Variants in RCAN1 observed in about 807,000 individuals in gnomAD.
RCAN1 encodes the protein regulator of calcineurin 1, also known as calcipressin-1.
RCAN1 carries 11 observed loss-of-function variants against 22.9 expected under a neutral mutation model. The observed-to-expected ratio is 0.48, with a 90% CI of 0.30 to 0.79. The LOEUF (loss-of-function observed/expected upper bound fraction) is 0.79, where lower values mean the gene tolerates loss of function less well. Among genes scored for constraint, RCAN1 ranks in the 30% least tolerant of loss-of-function variants. The probability of loss-of-function intolerance (pLI) is 0.06; values close to 1 mark genes in which losing one functional copy is unlikely to be tolerated. For synonymous variants in RCAN1, 136 were observed against 142.3 expected, an observed-to-expected ratio of 0.96 and a Z score of 0.32; for missense variants, 291 against 337.8, an observed-to-expected ratio of 0.86 and a Z score of 1.09.
rs1034838098 is a variant in RCAN1, at chr21:34,517,292, T to G, written c.*792A>C. 23 of 152,370 alleles carry G rather than the reference T, an allele frequency of 1.5e-4. No homozygotes were observed. The highest frequency in any genetic ancestry group is 1.4e-3 in the Admixed American group (21 of 15,314). 9.4% of individuals were successfully genotyped at this position (152,370 alleles called of 1,614,324 possible). On this transcript the variant is annotated 3_prime_UTR_variant, in exon 4 of 4. Coordinates refer to ENST00000313806, the MANE Select transcript of RCAN1 (RefSeq NM_004414.7). ...ACCCACTAAAAGTTGGCAGTGAAAC[T>G]GCTATTCTCTGAATTGTATAAGCTA...
At chr21:34,553,760 G>A (rs1189381290) in intron 1 of RCAN1, among the ~76,000 whole-genome samples, 3 of 152,122 alleles carry the variant, frequency 2.0e-5, no homozygotes, top group Admixed American at 1.3e-4. Flanking sequence ...TGATCAAAAC[G>A]CACTGAGTTC....
At chr21:34,609,517 T>C (rs1245579278) in intron 1 of RCAN1, among the ~76,000 whole-genome samples, 1 of 152,148 alleles carries the variant, frequency 6.6e-6, no homozygotes, top group Non-Finnish European at 1.5e-5. Flanking sequence ...AATGAGTGGA[T>C]CACATTTTTT....
chr21:34,526,307 T>C (rs966546440), intron 1 of RCAN1, among the ~76,000 whole-genome samples: 5 of 152,246 alleles, frequency 3.3e-5, no homozygotes, highest in Admixed American at 6.5e-5. Context: ...AATGAAATTA[T>C]TCACAACGCT....
At chr21:34,557,824 A>T (rs1986637485) in intron 1 of RCAN1, among the ~76,000 whole-genome samples, 1 of 152,194 alleles carries the variant, frequency 6.6e-6, no homozygotes, top group African/African-American at 2.4e-5. Context: ...ACTGCCAGTC[A>T]CCTATCAGGT....
chr21:34,592,679 C>T (rs950355478), intron 1 of RCAN1, among the ~76,000 whole-genome samples: 1 of 152,092 alleles, frequency 6.6e-6, no homozygotes, highest in Non-Finnish European at 1.5e-5. Flanking sequence ...TGATGATTTA[C>T]GTTCCCCTCA....
intron 1 of RCAN1, chr21:34,526,827 G>T (rs2123593102): frequency 6.5e-7 from 1 of 1,533,624 alleles, no homozygotes. Context: ...GAGGCTGTAG[G>T]TTCCTTCTTG....
intron 1 of RCAN1, among the ~76,000 whole-genome samples, chr21:34,553,099 G>GA: frequency 6.6e-6 from 1 of 152,280 alleles, no homozygotes; most frequent in East Asian, 1.9e-4. Flanking sequence ...AGGGGTATGA[G>GA]AAAAAGTATT....
chr21:34,568,498 G>A (rs977734994), intron 1 of RCAN1, among the ~76,000 whole-genome samples: 3 of 152,228 alleles, frequency 2.0e-5, no homozygotes, highest in Non-Finnish European at 2.9e-5. Flanking sequence ...AGATGGCAGC[G>A]ATGCCCGGAG....
At chr21:34,605,575 T>C (rs1339944291) in intron 1 of RCAN1, among the ~76,000 whole-genome samples, 1 of 152,146 alleles carries the variant, frequency 6.6e-6, no homozygotes, top group Non-Finnish European at 1.5e-5. Context: ...AGGATTGAAA[T>C]GAGATGTGAA....
chr21:34,520,962 G>A (rs1423947246), intron 3 of RCAN1: 3 of 550,356 alleles, frequency 5.5e-6, no homozygotes, highest in African/African-American at 2.0e-5. Context: ...AGCAAGCTCT[G>A]TAGGGGACCA....
At chr21:34,584,243 C>G (rs1987715260) in intron 1 of RCAN1, among the ~76,000 whole-genome samples, 1 of 152,106 alleles carries the variant, frequency 6.6e-6, no homozygotes, top group Non-Finnish European at 1.5e-5. Flanking sequence ...ATTAAGAATC[C>G]AAAGGGAAAT....
intron 1 of RCAN1, among the ~76,000 whole-genome samples, chr21:34,582,847 A>G (rs556363402): frequency 8.8e-4 from 134 of 152,204 alleles, no homozygotes; most frequent in African/African-American, 3.1e-3. Context: ...GGGGTGAGAG[A>G]GGGAGGGTAA....
At chr21:34,538,761 G>T (rs1985790416) in intron 1 of RCAN1, among the ~76,000 whole-genome samples, 1 of 152,312 alleles carries the variant, frequency 6.6e-6, no homozygotes, top group African/African-American at 2.4e-5. Context: ...TGAGAAGGGG[G>T]TGGAACTTGG....
At chr21:34,528,041 G>A (rs1011479356) in intron 1 of RCAN1, among the ~76,000 whole-genome samples, 7 of 152,146 alleles carry the variant, frequency 4.6e-5, no homozygotes, top group African/African-American at 1.7e-4. Context: ...CCCTATGGCA[G>A]CCTGGGTCCT....
At position 34,534,507 on chromosome 21, in the gene RCAN1, C is replaced by T. The variant is rs529251105; in HGVS notation, c.253-10797G>A. On this transcript the variant is annotated intron_variant, in intron 1 of 3. Coordinates refer to ENST00000313806, the MANE Select transcript of RCAN1 (RefSeq NM_004414.7). The stretch of plus-strand genomic sequence containing the variant: ...CAAAAGCTTCATGAGGACAATGCAG[C>T]TTATTCTGCAGCTCCCCAGAGATGT... Among the ~76,000 whole-genome samples, 7 of 152,244 alleles carry T rather than the reference C, an allele frequency of 4.6e-5. No individual in the cohort carries two copies. The South Asian group carries it at 1.4e-3, about 32-fold the overall frequency.
rs191107582 is a variant in RCAN1, at chr21:34,586,718, C to T, written c.252+28042G>A. On this transcript the variant is annotated intron_variant, in intron 1 of 3. Coordinates refer to ENST00000313806, the MANE Select transcript of RCAN1 (RefSeq NM_004414.7). ...CTGTAACCCCAGCACTTTGGGAGGC[C>T]GAGATGGGTGGATCACTTAAGATCA... Among the ~76,000 whole-genome samples the T allele has an allele frequency of 1.5e-3, 235 of 152,154 alleles. 6 individuals carry two copies. Among genetic ancestry groups the T allele is most frequent in the South Asian group, 8.3e-4 (4 of 4,824 alleles).
chr21:34,593,130 C>T (rs1988027593), intron 1 of RCAN1, among the ~76,000 whole-genome samples: 1 of 152,206 alleles, frequency 6.6e-6, no homozygotes, highest in South Asian at 2.1e-4. Flanking sequence ...AGACTAGGAT[C>T]TTTTATGATG....
intron 2 of RCAN1, 184 bp from the exon 3 acceptor site, chr21:34,521,842 T>C (rs1480496570): frequency 3.6e-5 from 21 of 582,650 alleles, no homozygotes; most frequent in African/African-American, 5.6e-5. Flanking sequence ...TGAACTCTGG[T>C]TGTGGCACAG....
intron 1 of RCAN1, chr21:34,527,019 T>C: frequency 2.5e-6 from 3 of 1,210,566 alleles, no homozygotes; most frequent in South Asian, 4.3e-5. Flanking sequence ...TTAGTCATTT[T>C]CCCTATGCTA....
Sources: allele counts gnomAD v4.1 joint callset (sites outside exome capture counted in the v4.1 genomes callset), GRCh38; gene constraint gnomAD v4.1.1; transcripts MANE v1.5; gene names NCBI Gene and HGNC (gene_info 2026-07-23, HGNC 2026-07-21).